The following PIEZO2 variants were observed in gnomAD, a reference collection of about 807,000 sequenced individuals.
PIEZO2 encodes the protein piezo-type mechanosensitive ion channel component 2.
Under a neutral mutation model 337.3 loss-of-function variants are expected in PIEZO2, and 172 were observed. That is an observed-to-expected ratio of 0.51 (90% confidence interval 0.45 to 0.58). PIEZO2 has a LOEUF of 0.58. PIEZO2 is among the 20% of genes least tolerant of loss of function. The pLI is 0.00. For missense variants in PIEZO2, 3,028 were observed against 3,391.3 expected (o/e 0.89, Z 2.66); for synonymous variants, 1,251 against 1,228.5 (o/e 1.02, Z -0.38).
intron 3 of PIEZO2, among the ~76,000 whole-genome samples, chr18:10,951,890 T>A (rs2033311723): frequency 6.6e-6 from 1 of 152,190 alleles, no homozygotes; most frequent in Non-Finnish European, 1.5e-5. Context: ...TTTGCCAAAT[T>A]AATGAATGAT....
intron 2 of PIEZO2, among the ~76,000 whole-genome samples, chr18:10,984,166 T>G (rs899807373): frequency 6.6e-6 from 1 of 151,832 alleles, no homozygotes; most frequent in African/African-American, 2.4e-5. Context: ...AAAAAAAAAT[T>G]CAAAAATTCA....
At position 10,793,552 on chromosome 18, in the gene PIEZO2, A is replaced by T. The variant is rs535446374; in HGVS notation, c.1758+1220T>A. On this transcript the variant is annotated intron_variant, in intron 13 of 55. Coordinates refer to ENST00000674853, the MANE Select transcript of PIEZO2 (RefSeq NM_001378183.1). ...CAGTTTCATTGCTATTCGGAGTGAG[A>T]CTGTGATGAATTTACACAGTCAAAA... Among the ~76,000 whole-genome samples, 48 of 152,318 alleles carry T rather than the reference A, an allele frequency of 3.2e-4. No individual in the cohort carries two copies. The South Asian group carries it at 8.7e-3, about 28-fold the overall frequency.
chr18:11,093,115 T>C (rs1273592343), intron 1 of PIEZO2, among the ~76,000 whole-genome samples: 1 of 152,204 alleles, frequency 6.6e-6, no homozygotes, highest in African/African-American at 2.4e-5. Flanking sequence ...GGAAGAATAA[T>C]ATGCTGTAGA....
chr18:10,710,724 G>A (rs1052934187), intron 39 of PIEZO2, among the ~76,000 whole-genome samples: 3 of 152,172 alleles, frequency 2.0e-5, no homozygotes, highest in Non-Finnish European at 4.4e-5. Flanking sequence ...ACCTCACTGG[G>A]GAGTGGCAGC....
In PIEZO2 at chr18:11,028,913, G is replaced by GA. The variant is rs1322738770; in HGVS notation, c.160+37213dup. Among the ~76,000 whole-genome samples the GA allele has an allele frequency of 1.3e-5, 2 of 151,824 alleles. No homozygotes were observed. The highest frequency in any genetic ancestry group is 2.9e-5 in the Non-Finnish European group (2 of 67,960). ...ATTTGGTGTCATAGGAAACAGAGTT[G>GA]AAAAAAAATTTAGATAAGATGGCAT... On this transcript the variant is annotated intron_variant, in intron 2 of 55. Transcript: ENST00000674853. The surrounding 1 kb of genome is among the most constrained non-coding windows in gnomAD (Gnocchi z 4.8).
chr18:11,149,197 G>C lies in PIEZO2; in HGVS notation c.-609C>G, dbSNP rs1166682428. Among the ~76,000 whole-genome samples, 4 of 151,932 alleles carry C rather than the reference G, an allele frequency of 2.6e-5. No homozygotes were observed. The highest frequency in any genetic ancestry group is 5.9e-5 in the Non-Finnish European group (4 of 67,966). On this transcript the variant is annotated 5_prime_UTR_variant, in exon 1 of 56. Transcript: ENST00000674853. The surrounding 1 kb of genome is among the most constrained non-coding windows in gnomAD (Gnocchi z 8.7). ...CTCCAGCCCCCAGGCGGCCCGCGGC[G>C]GATCCCCGAGAGGCAGCGCAGCTCA...
In PIEZO2 at chr18:11,148,747, G is replaced by A. The variant is rs970242945; in HGVS notation, c.-159C>T. 11 of 712,336 alleles carry A rather than the reference G, an allele frequency of 1.5e-5. No homozygotes were observed. The highest frequency in any genetic ancestry group is 1.3e-4 in the African/African-American group (7 of 54,272). The allele number at this position is 712,336 out of a possible 1,614,324, so 44.1% of individuals were successfully genotyped here. ...GGGCCGCGACGCTCTCCGCCCCGAG[G>A]GCACGCTCCCGGGGCTCTTGGCCGC... is the stretch of plus-strand genomic sequence containing the variant. On this transcript the variant is annotated 5_prime_UTR_variant, in exon 1 of 56. Coordinates refer to ENST00000674853, the MANE Select transcript of PIEZO2 (RefSeq NM_001378183.1). The surrounding 1 kb of genome is among the most constrained non-coding windows in gnomAD (Gnocchi z 5.2).
rs1188369778 is a variant in PIEZO2, at chr18:10,877,904, C to G, written c.330-6489G>C. ...CCCTCTACCTCAAATTCCGGCCATA[C>G]TGAATGCACGTACCCAGAACGCGCC... On this transcript the variant is annotated intron_variant, in intron 4 of 55. Transcript: ENST00000674853. This position sits in a 1 kb window ranked among gnomAD's most constrained non-coding sequence, Gnocchi z 5.3. Among the ~76,000 whole-genome samples, 1 of 152,132 alleles carries G rather than the reference C, an allele frequency of 6.6e-6. No homozygotes were observed. The highest frequency in any genetic ancestry group is 2.1e-4 in the South Asian group (1 of 4,828).
Position 10,748,929 on chromosome 18 carries a change from A to G in PIEZO2, c.4265-299T>C, listed in dbSNP as rs1360064258. ...TCTCTTAGGAAGAAAGGGACCTCCAACAAAGGCCACAGAGAAATAATGTCC... is the reference window on the plus strand; with the variant it reads ...TCTCTTAGGAAGAAAGGGACCTCCAGCAAAGGCCACAGAGAAATAATGTCC... On this transcript the variant is annotated intron_variant, in intron 29 of 55. Transcript: ENST00000674853. The surrounding 1 kb of genome is among the most constrained non-coding windows in gnomAD (Gnocchi z 5.1). 6.6e-6 allele frequency among the ~76,000 whole-genome samples: 1 copy of G among 152,162 alleles called. No homozygotes were observed. The highest frequency in any genetic ancestry group is 2.4e-5 in the African/African-American group (1 of 41,430).
chr18:10,678,644 T>C (rs2034121218), intron 52 of PIEZO2, among the ~76,000 whole-genome samples: 1 of 152,202 alleles, frequency 6.6e-6, no homozygotes, highest in South Asian at 2.1e-4. Flanking sequence ...TAGTGTATTA[T>C]GTTGAGGTTC....
chr18:10,776,653 T>C (rs2038798535), intron 18 of PIEZO2, among the ~76,000 whole-genome samples: 1 of 152,216 alleles, frequency 6.6e-6, no homozygotes, highest in Non-Finnish European at 1.5e-5. Flanking sequence ...CTGGGCTTTC[T>C]GTGTGTAATC....
At chr18:10,752,009 G>C (rs1426368429) in intron 28 of PIEZO2, among the ~76,000 whole-genome samples, 2 of 152,148 alleles carry the variant, frequency 1.3e-5, no homozygotes, top group African/African-American at 4.8e-5. Context: ...TGTGGGGGGG[G>C]AGGGTCCCTC....
chr18:11,024,547 GAAAAAAAAA>G (rs569472740), intron 2 of PIEZO2, among the ~76,000 whole-genome samples: 13 of 104,064 alleles, frequency 1.2e-4, no homozygotes, highest in African/African-American at 3.4e-4. Flanking sequence ...CTCTGTCTCA[GAAAAAAAAA>G]AAAAAAAGAA....
At chr18:11,013,852 T>G (rs1028172225) in intron 2 of PIEZO2, among the ~76,000 whole-genome samples, 1 of 152,204 alleles carries the variant, frequency 6.6e-6, no homozygotes, top group Non-Finnish European at 1.5e-5. Flanking sequence ...GCCCGAAGAT[T>G]GTGCTGTTCT....
chr18:10,832,936 G>A (rs571821515), intron 7 of PIEZO2, among the ~76,000 whole-genome samples: 4 of 152,048 alleles, frequency 2.6e-5, no homozygotes, highest in Non-Finnish European at 5.9e-5. Flanking sequence ...GGCTGGAGGA[G>A]CCCACGTTTC....
In PIEZO2 at chr18:10,724,373, A is replaced by T. The variant is rs1396058885; in HGVS notation, c.5030-6114T>A. ...GACCCTGTCTCAAAAAACAAAAACG[A>T]AAACAAAAGTGCTTTCTCCTGGCCC... is the stretch of plus-strand genomic sequence containing the variant. On this transcript the variant is annotated intron_variant, in intron 36 of 55. Transcript: ENST00000674853. The surrounding 1 kb of genome is among the most constrained non-coding windows in gnomAD (Gnocchi z 5.8). Among the ~76,000 whole-genome samples the T allele has an allele frequency of 6.6e-6, 1 of 152,116 alleles. No individual in the cohort carries two copies. The highest frequency in any genetic ancestry group is 1.5e-5 in the Non-Finnish European group (1 of 68,022).
chr18:10,704,333 G>A (rs938206806), intron 42 of PIEZO2, 61 bp downstream of exon 42: 1 of 1,512,490 alleles, frequency 6.6e-7, no homozygotes, highest in African/African-American at 1.4e-5. Flanking sequence ...AGGGACACAA[G>A]GTATGCTTCC....
intron 53 of PIEZO2, 53 bp from the exon 54 acceptor site, chr18:10,675,341 T>C: frequency 3.4e-6 from 4 of 1,183,738 alleles, no homozygotes; most frequent in Non-Finnish European, 4.7e-6. Context: ...TTTACCCACC[T>C]AAAATTGATT....
intron 2 of PIEZO2, among the ~76,000 whole-genome samples, chr18:11,045,605 C>T (rs913933942): frequency 1.3e-5 from 2 of 152,204 alleles, no homozygotes; most frequent in Non-Finnish European, 2.9e-5. Context: ...CAGAGTGTCA[C>T]TTTGTGCCAG....
Sources: allele counts gnomAD v4.1 joint callset (sites outside exome capture counted in the v4.1 genomes callset), GRCh38; gene constraint gnomAD v4.1.1; non-coding constraint Gnocchi (gnomAD v3.1); transcripts MANE v1.5; gene names NCBI Gene and HGNC (gene_info 2026-07-23, HGNC 2026-07-21).